Variants in MCOLN2 observed in about 807,000 individuals in gnomAD.
MCOLN2 encodes mucolipin-2.
In MCOLN2, 57 loss-of-function variants were observed where a neutral mutation model predicts 67.5. The ratio of observed to expected loss-of-function variants is 0.84; its 90% CI spans 0.68 to 1.05. MCOLN2 has a LOEUF of 1.05. Ranked by LOEUF, MCOLN2 falls within the 50% of genes least tolerant of loss-of-function variation. The pLI is 0.00. For synonymous variants in MCOLN2, 246 were observed against 233.3 expected (o/e 1.05, Z -0.50); for missense variants, 620 against 678.8 (o/e 0.91, Z 0.96).
chr1:84,956,658 T>C (rs757373667), intron 3 of MCOLN2, 74 bp from the exon 4 acceptor site: 52 of 1,279,134 alleles, frequency 4.1e-5, no homozygotes, highest in Non-Finnish European at 4.9e-5. Context: ...GCATATAGAA[T>C]GTACTTTCAG....
chr1:84,950,395 C>G (rs1648359910), intron 6 of MCOLN2, among the ~76,000 whole-genome samples: 1 of 152,172 alleles, frequency 6.6e-6, no homozygotes. Flanking sequence ...ATTTATTATT[C>G]TGAATTGAAT....
At chr1:84,946,686 T>A (rs1648128813) in intron 7 of MCOLN2, among the ~76,000 whole-genome samples, 1 of 152,198 alleles carries the variant, frequency 6.6e-6, no homozygotes, top group African/African-American at 2.4e-5. Context: ...GTTCAACCTA[T>A]ACTATTACTC....
rs761539968 is a variant in MCOLN2 at position 84,956,596 on chromosome 1, T to C, written c.412-12A>G. On this transcript the variant is annotated splice_polypyrimidine_tract_variant and intron_variant, in intron 3 of 13. Coordinates refer to ENST00000370608, the MANE Select transcript of MCOLN2 (RefSeq NM_153259.4). ...TTTAGCTGATGATACTATTAAAAAA[T>C]AGTCAAGTAAAAACCACATATGACC... is the stretch of plus-strand genomic sequence containing the variant. The C allele has an allele frequency of 5.7e-6, 9 of 1,569,322 alleles. No individual in the cohort carries two copies. Among genetic ancestry groups the C allele is most frequent in the African/African-American group, 1.4e-5 (1 of 72,098 alleles).
At chr1:84,951,475 C>A (rs181481357) in intron 6 of MCOLN2, among the ~76,000 whole-genome samples, 6 of 150,582 alleles carry the variant, frequency 4.0e-5, no homozygotes, top group African/African-American at 1.5e-4. Flanking sequence ...CTATACATGC[C>A]CCCTCCCAAA....
chr1:84,944,583 G>A (rs1647988436), intron 7 of MCOLN2, among the ~76,000 whole-genome samples: 1 of 152,070 alleles, frequency 6.6e-6, no homozygotes, highest in East Asian at 1.9e-4. Flanking sequence ...CCCATCACTG[G>A]GGAATCCCGC....
intron 1 of MCOLN2, among the ~76,000 whole-genome samples, chr1:84,987,944 G>T (rs977044184): frequency 2.0e-5 from 3 of 152,036 alleles, no homozygotes; most frequent in Admixed American, 6.5e-5. Context: ...AAAGATAAAA[G>T]AATACAGACT....
rs190772340 is a variant in MCOLN2 at position 84,952,544 on chromosome 1, A to T, written c.566-14T>A. On this transcript the variant is annotated splice_polypyrimidine_tract_variant and intron_variant, in intron 4 of 13. Coordinates refer to ENST00000370608, the MANE Select transcript of MCOLN2 (RefSeq NM_153259.4). The stretch of plus-strand genomic sequence containing the variant: ...ATTGAACACAATCTAGGGCAATGAA[A>T]GAACAAGAAATGGTTGTTTCAGGCA... 83 of 1,570,040 alleles carry T rather than the reference A, an allele frequency of 5.3e-5. No individual in the cohort carries two copies. In the African/African-American group the frequency reaches 1.0e-3, roughly 19 times the overall value.
intron 6 of MCOLN2, among the ~76,000 whole-genome samples, chr1:84,947,479 A>G (rs1648179900): frequency 6.6e-6 from 1 of 152,216 alleles, no homozygotes; most frequent in Admixed American, 6.5e-5. Flanking sequence ...TGCCTCTGCC[A>G]CACTGTCTCC....
rs1212724674 is a variant in MCOLN2, at chr1:84,925,697, G to C, written c.*988C>G. The C allele has an allele frequency of 6.6e-6, 1 of 152,128 alleles. No individual in the cohort carries two copies. The highest frequency in any genetic ancestry group is 1.5e-5 in the Non-Finnish European group (1 of 68,038). 9.4% of individuals were successfully genotyped at this position (152,128 alleles called of 1,614,324 possible). A position where few individuals can be genotyped will look rare whatever the true frequency, so the allele number is the denominator to read the frequency against. ...GTTAAAATGAGTGACCGCTGCTACA[G>C]GTCACTTCCACATGTCATGTGTGTA... is the stretch of plus-strand genomic sequence containing the variant. On this transcript the variant is annotated 3_prime_UTR_variant, in exon 14 of 14. Transcript: ENST00000370608.
intron 1 of MCOLN2, among the ~76,000 whole-genome samples, chr1:84,975,428 T>C (rs906008279): frequency 9.2e-5 from 14 of 152,180 alleles, no homozygotes; most frequent in Admixed American, 9.2e-4. Context: ...CTAGATCTTG[T>C]TCAAGGTGGT....
intron 1 of MCOLN2, among the ~76,000 whole-genome samples, chr1:84,996,393 CATATATATAT>C (rs6143310): frequency 0.079 from 9,752 of 123,574 alleles, 593 homozygotes; most frequent in African/African-American, 0.091. Context: ...GTATATATTT[CATATATATAT>C]ATATATATAT....
chr1:84,931,329 AT>A (rs1332849027), intron 12 of MCOLN2, 32 bp downstream of exon 12: 3 of 1,252,884 alleles, frequency 2.4e-6, no homozygotes, highest in African/African-American at 1.5e-5. Flanking sequence ...ATTTGCAGTG[AT>A]TTTTTGGCAG....
chr1:84,965,740 G>GA (rs1238978346), intron 1 of MCOLN2, 32 bp from the exon 2 acceptor site: 5 of 1,601,490 alleles, frequency 3.1e-6, no homozygotes, highest in Non-Finnish European at 4.3e-6. Context: ...AAATATCCAG[G>GA]AAAGCCTCTC....
intron 1 of MCOLN2, among the ~76,000 whole-genome samples, chr1:84,972,354 A>T: frequency 6.6e-6 from 1 of 152,236 alleles, no homozygotes. Context: ...ACCCATAGGA[A>T]ATGCATGATC....
Position 84,940,939 on chromosome 1 carries a change from A to C in MCOLN2, c.900T>G (p.Ile300Met). ...VLVFDAFVIVICLASLILCTR... is the reference protein window; with the variant it reads ...VLVFDAFVIVMCLASLILCTR... ...TACACAGAATAAGAGATGCCAAGCA[A>C]ATCACAATGACAAATGCATCAAACA... The change falls in exon 8 of 14, where the codon ATT becomes ATG. Residue 300 changes from isoleucine to methionine, a missense_variant. By Grantham distance (10) the Ile-to-Met change is conservative. Coordinates refer to ENST00000370608, the MANE Select transcript of MCOLN2 (RefSeq NM_153259.4). 2.5e-6 allele frequency: 4 copies of C among 1,613,914 alleles called. No individual in the cohort carries two copies. Among genetic ancestry groups the C allele is most frequent in the Non-Finnish European group, 3.4e-6 (4 of 1,179,888 alleles).
chr1:84,984,496 T>A (rs1251529749), intron 1 of MCOLN2, among the ~76,000 whole-genome samples: 1 of 152,220 alleles, frequency 6.6e-6, no homozygotes, highest in African/African-American at 2.4e-5. Flanking sequence ...TAAATTGGAA[T>A]CCCCATCTCT....
intron 11 of MCOLN2, among the ~76,000 whole-genome samples, chr1:84,933,172 A>T (rs1308879575): frequency 6.6e-6 from 1 of 152,162 alleles, no homozygotes; most frequent in Non-Finnish European, 1.5e-5. Flanking sequence ...GTACTTCAAG[A>T]CCAAGTGCCC....
intron 2 of MCOLN2, among the ~76,000 whole-genome samples, chr1:84,964,229 A>AG (rs1649252614): frequency 6.6e-6 from 1 of 151,930 alleles, no homozygotes; most frequent in South Asian, 2.1e-4. Flanking sequence ...TATACTGAAA[A>AG]CCTCTTTATG....
At chr1:84,934,963 C>T (rs1472380954) in intron 11 of MCOLN2, among the ~76,000 whole-genome samples, 1 of 152,168 alleles carries the variant, frequency 6.6e-6, no homozygotes, top group Non-Finnish European at 1.5e-5. Context: ...AACGGTTTTC[C>T]TAATGTCTCC....
Sources: gnomAD v4.1 joint callset for allele counts (sites outside exome capture counted in the v4.1 genomes callset) on GRCh38, gnomAD v4.1.1 for gene constraint, MANE v1.5 for transcripts, NCBI Gene and HGNC (gene_info 2026-07-23, HGNC 2026-07-21) for gene names.